The following PPM1E variants were observed in gnomAD, a reference collection of about 807,000 sequenced individuals.
PPM1E encodes protein phosphatase 1E.
PPM1E carries 20 observed loss-of-function variants against 65.9 expected under a neutral mutation model. The observed-to-expected ratio is 0.30, with a 90% CI of 0.21 to 0.44. PPM1E has a LOEUF of 0.44. Ranked by LOEUF, PPM1E falls within the 20% of genes least tolerant of loss-of-function variation. The pLI, the probability that PPM1E is intolerant of heterozygous loss-of-function variation, is 1.00. For missense variants in PPM1E, 713 were observed against 953.1 expected, an observed-to-expected ratio of 0.75 and a Z score of 3.32; for synonymous variants, 352 against 374.9, an observed-to-expected ratio of 0.94 and a Z score of 0.70.
At chr17:58,901,020 C>T (rs1367520255) in intron 1 of PPM1E, among the ~76,000 whole-genome samples, 1 of 152,046 alleles carries the variant, frequency 6.6e-6, no homozygotes. Flanking sequence ...AGTGACCCAC[C>T]CAAATCACAT....
intron 3 of PPM1E, 106 bp downstream of exon 3, chr17:58,965,999 T>A: frequency 8.2e-7 from 1 of 1,213,582 alleles, no homozygotes; most frequent in Non-Finnish European, 1.2e-6. Context: ...ATTGTATCTC[T>A]GGTAGATTAG....
chr17:58,906,436 T>C (rs1416305841), intron 1 of PPM1E, among the ~76,000 whole-genome samples: 1 of 152,196 alleles, frequency 6.6e-6, no homozygotes, highest in African/African-American at 2.4e-5. Context: ...TCTCCCAGGC[T>C]CAAGTGATCC....
intron 1 of PPM1E, among the ~76,000 whole-genome samples, chr17:58,865,166 G>A (rs1245756808): frequency 3.3e-5 from 5 of 151,840 alleles, no homozygotes. Context: ...GAGGCAGATG[G>A]ATCACGAGGT....
chr17:58,863,938 G>T (rs779664262), intron 1 of PPM1E, among the ~76,000 whole-genome samples: 1 of 151,996 alleles, frequency 6.6e-6, no homozygotes, highest in Admixed American at 6.6e-5. Flanking sequence ...CAGGATAGGG[G>T]GTGTGGTGGG....
At chr17:58,793,837 GTA>G (rs887263391) in intron 1 of PPM1E, among the ~76,000 whole-genome samples, 1 of 151,930 alleles carries the variant, frequency 6.6e-6, no homozygotes, top group Non-Finnish European at 1.5e-5. Context: ...TATAAACTGT[GTA>G]TATACCACTT....
At chr17:58,793,190 T>G (rs1198171238) in intron 1 of PPM1E, among the ~76,000 whole-genome samples, 1 of 152,098 alleles carries the variant, frequency 6.6e-6, no homozygotes, top group Non-Finnish European at 1.5e-5. Flanking sequence ...CTTCATCTTT[T>G]AACCTTGAAT....
At chr17:58,791,595 G>T (rs1322281347) in intron 1 of PPM1E, among the ~76,000 whole-genome samples, 4 of 152,110 alleles carry the variant, frequency 2.6e-5, no homozygotes, top group Non-Finnish European at 4.4e-5. Flanking sequence ...ACTTGTATAG[G>T]AATACCACAT....
chr17:58,910,896 G>A (rs557249298), intron 1 of PPM1E, among the ~76,000 whole-genome samples: 3 of 152,108 alleles, frequency 2.0e-5, no homozygotes, highest in Non-Finnish European at 2.9e-5. Flanking sequence ...GTGCTCTGCC[G>A]CATTTCAACA....
chr17:58,762,004 T>G (rs2049825810), intron 1 of PPM1E, among the ~76,000 whole-genome samples: 1 of 152,232 alleles, frequency 6.6e-6, no homozygotes, highest in Admixed American at 6.5e-5. Flanking sequence ...ACTGATTTCA[T>G]GTGAAGCATG....
At chr17:58,969,338 T>C in intron 3 of PPM1E, 1 of 681,906 alleles carries the variant, frequency 1.5e-6, no homozygotes. Flanking sequence ...AGTGTTCTGG[T>C]GTGTAAACAC....
chr17:58,867,636 A>T (rs997612059), intron 1 of PPM1E, among the ~76,000 whole-genome samples: 40 of 152,192 alleles, frequency 2.6e-4, no homozygotes, highest in African/African-American at 8.9e-4. Context: ...ATTAGGCACT[A>T]CTTTTAAGAG....
At chr17:58,975,567 G>C (rs886914266) in intron 6 of PPM1E, among the ~76,000 whole-genome samples, 1 of 152,154 alleles carries the variant, frequency 6.6e-6, no homozygotes, top group African/African-American at 2.4e-5. Context: ...AATGTGCTGG[G>C]AAGGAAATCC....
chr17:58,970,282 T>G (rs543573691), intron 4 of PPM1E, among the ~76,000 whole-genome samples: 39 of 152,346 alleles, frequency 2.6e-4, no homozygotes, highest in Non-Finnish European at 4.3e-4. Flanking sequence ...ATTGCGAAGG[T>G]TAATCAGACC....
chr17:58,888,861 G>A (rs2143421790), intron 1 of PPM1E, among the ~76,000 whole-genome samples: 1 of 152,218 alleles, frequency 6.6e-6, no homozygotes, highest in South Asian at 2.1e-4. Flanking sequence ...AGAGGTGCAG[G>A]CCATTCAGCA....
At chr17:58,956,843 A>G (rs1458617184) in intron 2 of PPM1E, among the ~76,000 whole-genome samples, 1 of 152,234 alleles carries the variant, frequency 6.6e-6, no homozygotes, top group Non-Finnish European at 1.5e-5. Context: ...GCATATGTTA[A>G]TGAATCTGAG....
rs772190439 is a variant in PPM1E at position 58,980,104 on chromosome 17, G to C, written c.1341G>C (p.Val447=). 3.7e-6 allele frequency: 6 copies of C among 1,614,162 alleles called. No homozygotes were observed. Among genetic ancestry groups the C allele is most frequent in the Non-Finnish European group, 5.1e-6 (6 of 1,180,012 alleles). ...FYDTVNPDEA[V]KVVSDHLKEN... ...ACACCGTGAACCCTGATGAGGCAGT[G>C]AAAGTTGTGTCCGACCACCTGAAAG... is the stretch of plus-strand genomic sequence containing the variant. Residue 447 remains valine (V), a synonymous_variant, in exon 7 of 7, where the codon GTG becomes GTC. Transcript: ENST00000308249. This position sits in a 1 kb window ranked among gnomAD's most constrained non-coding sequence, Gnocchi z 4.7.
chr17:58,865,329 G>C (rs965712360), intron 1 of PPM1E, among the ~76,000 whole-genome samples: 1 of 152,040 alleles, frequency 6.6e-6, no homozygotes, highest in African/African-American at 2.4e-5. Context: ...GGAGGTTGCA[G>C]TGAGCAAGAT....
At chr17:58,970,596 A>C (rs2030542008) in intron 4 of PPM1E, among the ~76,000 whole-genome samples, 1 of 152,224 alleles carries the variant, frequency 6.6e-6, no homozygotes, top group African/African-American at 2.4e-5. Context: ...TACAAGCAAT[A>C]ATGGGGCTTA....
intron 1 of PPM1E, among the ~76,000 whole-genome samples, chr17:58,800,645 C>T (rs547805499): frequency 1.3e-5 from 2 of 152,186 alleles, no homozygotes; most frequent in Non-Finnish European, 2.9e-5. Context: ...TCTAAGTCTT[C>T]GTAAATGATG....
Sources: allele counts gnomAD v4.1 joint callset (sites outside exome capture counted in the v4.1 genomes callset), GRCh38; gene constraint gnomAD v4.1.1; non-coding constraint Gnocchi (gnomAD v3.1); transcripts MANE v1.5; gene names NCBI Gene and HGNC (gene_info 2026-07-23, HGNC 2026-07-21).